Variants in USP34 observed in about 807,000 individuals in gnomAD.
USP34 encodes the protein ubiquitin carboxyl-terminal hydrolase 34.
A neutral mutation model predicts 460.3 loss-of-function variants in USP34; 70 were observed. That is an observed-to-expected ratio of 0.15 (90% CI 0.13 to 0.19). The LOEUF (loss-of-function observed/expected upper bound fraction) is 0.19. Among genes scored for constraint, USP34 ranks in the 10% least tolerant of loss-of-function variants. The pLI is 1.00. For missense variants in USP34, 3,985 were observed against 4,236.2 expected, an observed-to-expected ratio of 0.94 and a Z score of 1.65; for synonymous variants, 1,647 against 1,405.3, an observed-to-expected ratio of 1.17 and a Z score of -3.85.
At chr2:61,207,007 G>C (rs750513543) in intron 70 of USP34, 121 bp from the exon 71 acceptor site, 172 of 1,059,492 alleles carry the variant, frequency 1.6e-4, no homozygotes, top group Non-Finnish European at 2.1e-4. Flanking sequence ...GCACATGTGT[G>C]CAAAGCAAAC....
At chr2:61,459,065 C>CG (rs1289308717) in intron 1 of USP34, among the ~76,000 whole-genome samples, 1 of 152,056 alleles carries the variant, frequency 6.6e-6, no homozygotes, top group East Asian at 1.9e-4. Context: ...GACTCCATCT[C>CG]GGGAAAAAAT....
At chr2:61,193,364 G>GAAAAA (rs1558458446) in intron 75 of USP34, 1 of 32,704 alleles carries the variant, frequency 3.1e-5, no homozygotes, top group African/African-American at 1.2e-4. Flanking sequence ...GAGGGGAAAG[G>GAAAAA]TAAAAAAAAA....
intron 18 of USP34, among the ~76,000 whole-genome samples, chr2:61,338,312 C>G (rs918971429): frequency 7.9e-5 from 12 of 152,180 alleles, no homozygotes; most frequent in Non-Finnish European, 1.6e-4. Flanking sequence ...TGGAGCAAGA[C>G]TCCATGTCCA....
intron 10 of USP34, among the ~76,000 whole-genome samples, chr2:61,366,214 A>G (rs1259484858): frequency 6.6e-6 from 1 of 152,200 alleles, no homozygotes; most frequent in Non-Finnish European, 1.5e-5. Flanking sequence ...GTGAGCCACC[A>G]CGCCCAGACA....
chr2:61,197,402 G>T (rs957787073), intron 75 of USP34, among the ~76,000 whole-genome samples: 1 of 152,128 alleles, frequency 6.6e-6, no homozygotes, highest in Admixed American at 6.5e-5. Flanking sequence ...AGGAAATTAG[G>T]CTCACAGAGA....
Position 61,380,259 on chromosome 2 carries a change from T to C in USP34, c.924A>G (p.Leu308=). Residue 308 remains leucine (L), a synonymous_variant, in exon 7 of 80, where the codon TTA becomes TTG. Transcript: ENST00000398571. ...STVKEPLDTT[L]CFDKESLDLA... ...GATCTAGGCTTTCTTTATCAAAGCA[T>C]AATGTTGTATCCAATGGTTCTTTGA... 6.2e-7 allele frequency: 1 copy of C among 1,614,166 alleles called. No homozygotes were observed. The highest frequency in any genetic ancestry group is 8.5e-7 in the Non-Finnish European group (1 of 1,180,020).
chr2:61,401,566 T>TG (rs1693720803), intron 3 of USP34, among the ~76,000 whole-genome samples: 1 of 76,856 alleles, frequency 1.3e-5, no homozygotes, highest in Non-Finnish European at 2.5e-5. Flanking sequence ...TTTTTTTTTT[T>TG]GAGACAGAGT....
intron 10 of USP34, among the ~76,000 whole-genome samples, chr2:61,367,020 G>C (rs1473619952): frequency 1.3e-5 from 2 of 152,124 alleles, no homozygotes; most frequent in Non-Finnish European, 2.9e-5. Flanking sequence ...CCGTACTCTA[G>C]CCTTGGCAAC....
intron 12 of USP34, among the ~76,000 whole-genome samples, chr2:61,349,814 T>C (rs758470216): frequency 2.0e-5 from 3 of 151,474 alleles, no homozygotes; most frequent in East Asian, 1.9e-4. Flanking sequence ...GCACTCCAGC[T>C]TGGGTGACAG....
intron 33 of USP34, among the ~76,000 whole-genome samples, chr2:61,291,824 T>C (rs1054744039): frequency 6.6e-6 from 1 of 152,208 alleles, no homozygotes; most frequent in Non-Finnish European, 1.5e-5. Context: ...ACAGTCACAG[T>C]GTAGAAATAA....
chr2:61,408,842 G>A (rs1248579458), intron 2 of USP34, among the ~76,000 whole-genome samples: 2 of 151,678 alleles, frequency 1.3e-5, no homozygotes, highest in Admixed American at 6.6e-5. Context: ...GCAGTGAGCC[G>A]AGATCACGCC....
At position 61,187,896 on chromosome 2, in the gene USP34, G is replaced by A. The variant is rs1686484679; in HGVS notation, c.*206C>T. Reference sequence around the variant, plus strand: ...ATTACATAAAACATATCCATTATCTGATTGCCCTTTAGGAAGTATACTGAA... The same window carrying A: ...ATTACATAAAACATATCCATTATCTAATTGCCCTTTAGGAAGTATACTGAA... On this transcript the variant is annotated 3_prime_UTR_variant, in exon 80 of 80. Transcript: ENST00000398571. 1 of 1,404,484 alleles carries A rather than the reference G, an allele frequency of 7.1e-7. No individual in the cohort carries two copies. Among genetic ancestry groups the A allele is most frequent in the Non-Finnish European group, 9.3e-7 (1 of 1,076,060 alleles). 87.0% of individuals were successfully genotyped at this position (1,404,484 alleles called of 1,614,324 possible).
At chr2:61,230,258 A>G (rs983193940) in intron 58 of USP34, among the ~76,000 whole-genome samples, 7 of 152,208 alleles carry the variant, frequency 4.6e-5, no homozygotes, top group Non-Finnish European at 8.8e-5. Flanking sequence ...AGCTGGGTGC[A>G]GTGGCTCAAG....
intron 29 of USP34, among the ~76,000 whole-genome samples, chr2:61,300,245 T>C (rs1690178797): frequency 6.6e-6 from 1 of 152,002 alleles, no homozygotes; most frequent in South Asian, 2.1e-4. Context: ...ACGCAAAAGG[T>C]TTACATTATT....
chr2:61,422,150 A>G (rs1006570677), intron 1 of USP34, among the ~76,000 whole-genome samples: 2 of 152,208 alleles, frequency 1.3e-5, no homozygotes, highest in African/African-American at 4.8e-5. Flanking sequence ...CTAGGACAGA[A>G]TAAGATATAG....
intron 76 of USP34, among the ~76,000 whole-genome samples, 191 bp downstream of exon 76, chr2:61,192,705 CTTAAG>C (rs1432463754): frequency 6.6e-6 from 1 of 152,088 alleles, no homozygotes; most frequent in African/African-American, 2.4e-5. Flanking sequence ...TAGAAATCTA[CTTAAG>C]TTAAAAAAAT....
chr2:61,295,909 C>T (rs1359197021), intron 30 of USP34, among the ~76,000 whole-genome samples: 1 of 152,146 alleles, frequency 6.6e-6, no homozygotes, highest in South Asian at 2.1e-4. Context: ...TTCATTCATC[C>T]TGTAGAGTTC....
At chr2:61,376,212 T>C (rs1048614912) in intron 8 of USP34, among the ~76,000 whole-genome samples, 1 of 145,370 alleles carries the variant, frequency 6.9e-6, no homozygotes, top group African/African-American at 2.9e-5. Context: ...TATGTATTTA[T>C]ATGTTAATAA....
At chr2:61,231,098 G>A (rs1687882464) in intron 58 of USP34, among the ~76,000 whole-genome samples, 1 of 152,144 alleles carries the variant, frequency 6.6e-6, no homozygotes, top group Non-Finnish European at 1.5e-5. Context: ...GCTGTGACAT[G>A]AATAAATCCT....
Sources: allele counts gnomAD v4.1 joint callset (sites outside exome capture counted in the v4.1 genomes callset), GRCh38; gene constraint gnomAD v4.1.1; transcripts MANE v1.5; gene names NCBI Gene and HGNC (gene_info 2026-07-23, HGNC 2026-07-21).